The following TEAD1 variants were observed in gnomAD, a reference collection of about 807,000 sequenced individuals.
TEAD1 encodes the protein TEA domain transcription factor 1.
Under a neutral mutation model 54.9 loss-of-function variants are expected in TEAD1, and 9 were observed. The ratio of observed to expected loss-of-function variants is 0.16; its 90% CI spans 0.10 to 0.29. The LOEUF is 0.29. Ranked by LOEUF, TEAD1 falls within the 10% of genes least tolerant of loss-of-function variation. The pLI, the probability that TEAD1 is intolerant of heterozygous loss-of-function variation, is 1.00. For missense variants in TEAD1, 387 were observed against 535.9 expected (o/e 0.72, Z 2.74); for synonymous variants, 200 against 187.8 (o/e 1.07, Z -0.53).
intron 10 of TEAD1, among the ~76,000 whole-genome samples, chr11:12,915,938 T>C (rs1404898983): frequency 6.6e-6 from 1 of 152,314 alleles, no homozygotes; most frequent in East Asian, 1.9e-4. Flanking sequence ...ACTAAACTGT[T>C]TCAGTTGTGG....
rs546603310 is a variant in TEAD1 at position 12,831,912 on chromosome 11, C to T, written c.203-30338C>T. Among the ~76,000 whole-genome samples, 3 of 152,112 alleles carry T rather than the reference C, an allele frequency of 2.0e-5. No homozygotes were observed. In the South Asian group the frequency reaches 6.2e-4, roughly 32 times the overall value. ...ATAGCATGTAAGATGCAGATATTTGCACTTTTAATTGATATGCCAGGCAGG... is the reference window on the plus strand; with the variant it reads ...ATAGCATGTAAGATGCAGATATTTGTACTTTTAATTGATATGCCAGGCAGG... On this transcript the variant is annotated intron_variant, in intron 3 of 12. Transcript: ENST00000527636.
intron 3 of TEAD1, among the ~76,000 whole-genome samples, chr11:12,768,237 C>T (rs1453776496): frequency 2.0e-5 from 3 of 152,192 alleles, no homozygotes; most frequent in African/African-American, 4.8e-5. Context: ...TACCTTACTT[C>T]TCTGTCTCAA....
intron 9 of TEAD1, among the ~76,000 whole-genome samples, chr11:12,891,773 A>T (rs146690670): frequency 0.019 from 2,947 of 152,244 alleles, 38 homozygotes; most frequent in Non-Finnish European, 0.029. Context: ...AATGACACTT[A>T]CCCCACTATC....
In TEAD1 at chr11:12,774,312, AG is replaced by A. The variant is rs566794964; in HGVS notation, c.202+9879del. ...GCAAGGCACTGTGAAGCTCATCCAC[AG>A]TGACTTGATTAATCACTTAGATGCT... On this transcript the variant is annotated intron_variant, in intron 3 of 12. Transcript: ENST00000527636. 2.0e-5 allele frequency among the ~76,000 whole-genome samples: 3 copies of A among 152,356 alleles called. No homozygotes were observed. In the South Asian group the frequency reaches 6.2e-4, roughly 32 times the overall value.
intron 5 of TEAD1, among the ~76,000 whole-genome samples, chr11:12,876,996 C>T (rs1303737029): frequency 6.6e-6 from 1 of 152,166 alleles, no homozygotes; most frequent in Admixed American, 6.5e-5. Flanking sequence ...AAATCCCATA[C>T]ACTTCAAGAT....
At chr11:12,853,632 TTCTA>T (rs1386973980) in intron 3 of TEAD1, among the ~76,000 whole-genome samples, 2 of 152,226 alleles carry the variant, frequency 1.3e-5, no homozygotes, top group Non-Finnish European at 2.9e-5. Flanking sequence ...CAGAAATAAC[TTCTA>T]TCTAACATAG....
At chr11:12,727,398 C>T (rs1008102883) in intron 2 of TEAD1, among the ~76,000 whole-genome samples, 3 of 152,076 alleles carry the variant, frequency 2.0e-5, no homozygotes, top group Non-Finnish European at 2.9e-5. Context: ...GTCCTGTGGG[C>T]CCTGGGGCAT....
chr11:12,878,941 G>T (rs1387107991), intron 5 of TEAD1: 1 of 1,274,672 alleles, frequency 7.8e-7, no homozygotes, highest in African/African-American at 1.5e-5. Context: ...TATTTTAGCT[G>T]TGCTTGGCAG....
intron 3 of TEAD1, among the ~76,000 whole-genome samples, chr11:12,842,297 T>G (rs759476677): frequency 1.3e-5 from 2 of 152,210 alleles, no homozygotes; most frequent in Non-Finnish European, 2.9e-5. Flanking sequence ...AGAATACCTA[T>G]TGAAAACCCT....
At chr11:12,790,868 G>A (rs1356272072) in intron 3 of TEAD1, among the ~76,000 whole-genome samples, 1 of 152,210 alleles carries the variant, frequency 6.6e-6, no homozygotes, top group Non-Finnish European at 1.5e-5. Context: ...ACAAGTGTTG[G>A]TGAGGGGGGT....
chr11:12,811,110 T>C (rs2133988330), intron 3 of TEAD1, among the ~76,000 whole-genome samples: 1 of 152,338 alleles, frequency 6.6e-6, no homozygotes, highest in Non-Finnish European at 1.5e-5. Context: ...AACAGCTATG[T>C]CCACGGCGAT....
intron 3 of TEAD1, among the ~76,000 whole-genome samples, chr11:12,770,480 G>T (rs1020739856): frequency 5.3e-5 from 8 of 152,146 alleles, no homozygotes; most frequent in Non-Finnish European, 8.8e-5. Context: ...ATGTGATGGG[G>T]ACAACAGACA....
chr11:12,675,097 C>T (rs1486246915), intron 1 of TEAD1, among the ~76,000 whole-genome samples: 4 of 146,878 alleles, frequency 2.7e-5, no homozygotes, highest in Non-Finnish European at 6.1e-5. Flanking sequence ...CAACAGGCGG[C>T]CCCCGGCCGG....
chr11:12,719,485 C>T (rs1944134213), intron 2 of TEAD1, among the ~76,000 whole-genome samples: 1 of 149,442 alleles, frequency 6.7e-6, no homozygotes, highest in African/African-American at 2.5e-5. Context: ...TTGCGGCTCT[C>T]TACCTCTTAA....
intron 3 of TEAD1, among the ~76,000 whole-genome samples, chr11:12,853,485 T>TA (rs1554942288): frequency 1.3e-5 from 2 of 152,240 alleles, no homozygotes; most frequent in Admixed American, 6.5e-5. Flanking sequence ...GAGGCATAGT[T>TA]ACAGTGGTAA....
chr11:12,733,658 C>T (rs537415740), intron 2 of TEAD1, among the ~76,000 whole-genome samples: 1 of 152,284 alleles, frequency 6.6e-6, no homozygotes, highest in South Asian at 2.1e-4. Flanking sequence ...CCATCAGCCA[C>T]GAGAAGGTGA....
Position 12,764,311 on chromosome 11 carries a change from A to G in TEAD1, c.79A>G (p.Ile27Val), listed in dbSNP as rs1425544709. The G allele has an allele frequency of 2.5e-6, 4 of 1,614,232 alleles. No homozygotes were observed. Among genetic ancestry groups the G allele is most frequent in the Middle Eastern group, 1.6e-4 (1 of 6,062 alleles). ...GATGAGTGACTCTGCAGATAAGCCA[A>G]TTGACAATGATGCAGAAGGGGTCTG... is the stretch of plus-strand genomic sequence containing the variant. The change falls in exon 3 of 13, where the codon ATT (isoleucine) becomes GTT (valine). Residue 27 changes from isoleucine to valine, a missense_variant. By Grantham distance (29) the Ile-to-Val change is conservative. Transcript: ENST00000527636.
chr11:12,858,102 T>C (rs971720980), intron 3 of TEAD1, among the ~76,000 whole-genome samples: 1 of 152,174 alleles, frequency 6.6e-6, no homozygotes, highest in Middle Eastern at 3.4e-3. Flanking sequence ...TGAGACCCTG[T>C]CTAAAAGAAA....
At chr11:12,852,321 G>C (rs1340885451) in intron 3 of TEAD1, among the ~76,000 whole-genome samples, 7 of 152,132 alleles carry the variant, frequency 4.6e-5, no homozygotes, top group Non-Finnish European at 1.0e-4. Flanking sequence ...GGAGGTGAAA[G>C]AAAAGACAAA....
Sources: gnomAD v4.1 joint callset for allele counts (sites outside exome capture counted in the v4.1 genomes callset) on GRCh38, gnomAD v4.1.1 for gene constraint, MANE v1.5 for transcripts, NCBI Gene and HGNC (gene_info 2026-07-23, HGNC 2026-07-21) for gene names.